Variants in RASGRP1 observed in about 807,000 individuals in gnomAD.
RASGRP1 encodes the protein RAS guanyl-releasing protein 1.
A neutral mutation model predicts 95.1 loss-of-function variants in RASGRP1; 37 were observed. The observed-to-expected ratio is 0.39, with a 90% CI of 0.30 to 0.51. The LOEUF (loss-of-function observed/expected upper bound fraction) is 0.51. RASGRP1 is among the 20% of genes least tolerant of loss of function. The pLI is 0.80. For synonymous variants in RASGRP1, 325 were observed against 353.4 expected (o/e 0.92, Z 0.90); for missense variants, 711 against 965.4 (o/e 0.74, Z 3.49).
At chr15:38,553,566 C>A (rs2141188425) in intron 2 of RASGRP1, among the ~76,000 whole-genome samples, 1 of 152,266 alleles carries the variant, frequency 6.6e-6, no homozygotes, top group South Asian at 2.1e-4. Flanking sequence ...ACGGAGTAGA[C>A]CCTCCCAGCA....
chr15:38,519,556 G>A (rs1891918276), intron 3 of RASGRP1, among the ~76,000 whole-genome samples, 185 bp from the exon 4 acceptor site: 1 of 152,130 alleles, frequency 6.6e-6, no homozygotes, highest in Non-Finnish European at 1.5e-5. Flanking sequence ...GCATATTATT[G>A]CCTAGAAAGG....
chr15:38,501,641 C>T lies in RASGRP1; in HGVS notation c.1539-354G>A, dbSNP rs140668467. 4.2e-3 allele frequency among the ~76,000 whole-genome samples: 644 copies of T among 152,250 alleles called. 4 individuals carry two copies. The highest frequency in any genetic ancestry group is 0.014 in the Admixed American group (213 of 15,292). ...TACAGTTTCTGACTTTAGACAGTAC[C>T]TAACTGGAACCCACTAACCATATGA... On this transcript the variant is annotated intron_variant, in intron 12 of 16. Coordinates refer to ENST00000310803, the MANE Select transcript of RASGRP1 (RefSeq NM_005739.4).
intron 7 of RASGRP1, 80 bp from the exon 8 acceptor site, chr15:38,511,800 C>G (rs962279970): frequency 8.5e-6 from 9 of 1,055,704 alleles, no homozygotes; most frequent in Non-Finnish European, 1.3e-5. Context: ...CCTCTTGTCT[C>G]TGTGCCGTGA....
chr15:38,507,560 G>T (rs1357366846), intron 9 of RASGRP1, among the ~76,000 whole-genome samples, 166 bp downstream of exon 9: 2 of 152,282 alleles, frequency 1.3e-5, no homozygotes, highest in East Asian at 3.9e-4. Flanking sequence ...CTCCTGGCAA[G>T]GTATATCTTT....
intron 2 of RASGRP1, among the ~76,000 whole-genome samples, chr15:38,526,842 G>A (rs1892243943): frequency 6.6e-6 from 1 of 152,142 alleles, no homozygotes; most frequent in Admixed American, 6.5e-5. Context: ...AAAAACAAAT[G>A]ACCATATGAA....
intron 9 of RASGRP1, among the ~76,000 whole-genome samples, chr15:38,507,094 C>T (rs1232570984): frequency 1.3e-5 from 2 of 152,182 alleles, no homozygotes; most frequent in African/African-American, 4.8e-5. Context: ...TCGAAGTCAT[C>T]CCAGAGACTA....
At chr15:38,498,994 T>C in intron 14 of RASGRP1, 48 bp from the exon 15 acceptor site, 1 of 1,612,986 alleles carries the variant, frequency 6.2e-7, no homozygotes, top group South Asian at 1.1e-5. Flanking sequence ...TTTTCTCTCT[T>C]CCCCAGTGTG....
At chr15:38,523,649 C>T (rs1313836960) in intron 3 of RASGRP1, among the ~76,000 whole-genome samples, 10 of 152,198 alleles carry the variant, frequency 6.6e-5, no homozygotes, top group Admixed American at 6.5e-4. Flanking sequence ...CTACCCAGAG[C>T]AACTTCCAGT....
At chr15:38,508,968 G>C (rs1287651561) in intron 8 of RASGRP1, among the ~76,000 whole-genome samples, 3 of 152,168 alleles carry the variant, frequency 2.0e-5, no homozygotes, top group African/African-American at 4.8e-5. Flanking sequence ...TAACAAACCC[G>C]ATTGCTGTCA....
At chr15:38,546,564 C>T (rs1470108296) in intron 2 of RASGRP1, among the ~76,000 whole-genome samples, 7 of 152,082 alleles carry the variant, frequency 4.6e-5, no homozygotes, top group Non-Finnish European at 8.8e-5. Context: ...GCTTACTTCA[C>T]GACAATCCAG....
At chr15:38,492,972 C>A (rs1329580439) in intron 16 of RASGRP1, among the ~76,000 whole-genome samples, 1 of 151,804 alleles carries the variant, frequency 6.6e-6, no homozygotes, top group African/African-American at 2.4e-5. Context: ...GCTCCGCCTC[C>A]CAGGTTCATG....
intron 3 of RASGRP1, among the ~76,000 whole-genome samples, chr15:38,524,681 T>C (rs1207486447): frequency 6.6e-6 from 1 of 152,160 alleles, no homozygotes; most frequent in Non-Finnish European, 1.5e-5. Flanking sequence ...ATAGTGAGTG[T>C]AGACTATTTT....
rs145572207 is a variant in RASGRP1, at chr15:38,519,362, A to G, written c.336T>C (p.Asp112=). The part of the protein sequence containing the change: ...LLQKVITLYK[D]ALAKNSPGLC... ...GTCCTGGTGAATTCTTTGCCAAAGCATCCTTATAGGTAGGGCTGTGGTTAA... is the reference window on the plus strand; with the variant it reads ...GTCCTGGTGAATTCTTTGCCAAAGCGTCCTTATAGGTAGGGCTGTGGTTAA... The change falls in exon 4 of 17, where the codon GAT becomes GAC. Residue 112 remains aspartate (D), a synonymous_variant. Transcript: ENST00000310803. 3.1e-4 allele frequency: 474 copies of G among 1,525,404 alleles called. 1 individual carries two copies. The African/African-American group carries it at 4.8e-3, about 16-fold the overall frequency. 94.5% of individuals were successfully genotyped at this position (1,525,404 alleles called of 1,614,324 possible). A position where few individuals can be genotyped will look rare whatever the true frequency, so the allele number is the denominator to read the frequency against.
At chr15:38,492,418 A>T (rs1890620035) in intron 16 of RASGRP1, among the ~76,000 whole-genome samples, 1 of 152,180 alleles carries the variant, frequency 6.6e-6, no homozygotes, top group South Asian at 2.1e-4. Flanking sequence ...AGCATTGAGG[A>T]CAATGCAGGG....
chr15:38,494,224 C>A, intron 16 of RASGRP1, 158 bp downstream of exon 16: 1 of 961,798 alleles, frequency 1.0e-6, no homozygotes, highest in African/African-American at 1.6e-5. Flanking sequence ...TCCCTCTCTT[C>A]CTCCCTGTTT....
At chr15:38,562,733 G>A (rs924605045) in intron 1 of RASGRP1, among the ~76,000 whole-genome samples, 1 of 152,176 alleles carries the variant, frequency 6.6e-6, no homozygotes, top group African/African-American at 2.4e-5. Flanking sequence ...GGGTGGAGGG[G>A]AGGTGGCTAC....
At chr15:38,563,721 G>A (rs1893906808) in intron 1 of RASGRP1, among the ~76,000 whole-genome samples, 1 of 152,182 alleles carries the variant, frequency 6.6e-6, no homozygotes, top group Admixed American at 6.5e-5. Flanking sequence ...TGGATGGGGA[G>A]AGGCAGGGCG....
intron 3 of RASGRP1, among the ~76,000 whole-genome samples, chr15:38,525,739 T>G (rs1307002245): frequency 6.6e-6 from 1 of 152,134 alleles, no homozygotes; most frequent in Non-Finnish European, 1.5e-5. Flanking sequence ...GTGTCATCAG[T>G]GAGAAAAAGC....
At chr15:38,553,267 T>C (rs74009831) in intron 2 of RASGRP1, among the ~76,000 whole-genome samples, 7 of 152,244 alleles carry the variant, frequency 4.6e-5, no homozygotes, top group South Asian at 2.1e-4. Flanking sequence ...AGTTCTAACA[T>C]CAGCAGGTGG....
Sources: gnomAD v4.1 joint callset for allele counts (sites outside exome capture counted in the v4.1 genomes callset) on GRCh38, gnomAD v4.1.1 for gene constraint, MANE v1.5 for transcripts, NCBI Gene and HGNC (gene_info 2026-07-23, HGNC 2026-07-21) for gene names.